RRM2: variants seen among roughly 807,000 people sequenced by gnomAD.
The protein encoded by RRM2 is ribonucleotide reductase regulatory subunit M2, also known as ribonucleoside-diphosphate reductase subunit M2.
A neutral mutation model predicts 45.9 loss-of-function variants in RRM2; 6 were observed. The observed-to-expected ratio is 0.13, with a 90% confidence interval of 0.07 to 0.26. RRM2 has a LOEUF of 0.26. Ranked by LOEUF, RRM2 falls within the 10% of genes least tolerant of loss-of-function variation. The pLI is 1.00. For missense variants in RRM2, 343 were observed against 489.5 expected (o/e 0.70, Z 2.82); for synonymous variants, 177 against 173.0 (o/e 1.02, Z -0.18).
At chr2:10,201,538 G>A (rs185514282) in intron 3 of RRM2, among the ~76,000 whole-genome samples, 4 of 152,282 alleles carry the variant, frequency 2.6e-5, no homozygotes, top group Non-Finnish European at 5.9e-5. Flanking sequence ...AATCTGCAAA[G>A]TTATCAGAAA....
chr2:10,138,968 C>T (rs934722692), upstream of RRM2, among the ~76,000 whole-genome samples: 6 of 152,194 alleles, frequency 3.9e-5, no homozygotes, highest in Admixed American at 6.5e-5. Flanking sequence ...ATTAGCCGGA[C>T]GTGGTGATGG....
intron 3 of RRM2, among the ~76,000 whole-genome samples, chr2:10,153,088 T>A (rs1050699884): frequency 1.3e-5 from 2 of 152,016 alleles, no homozygotes; most frequent in Non-Finnish European, 2.9e-5. Context: ...TCCCAGCACT[T>A]TGGGAGGCCA....
Position 10,127,236 on chromosome 2 carries a change from A to G in RRM2, c.798+16A>G. 2 of 1,608,748 alleles carry G rather than the reference A, an allele frequency of 1.2e-6. No homozygotes were observed. Among genetic ancestry groups the G allele is most frequent in the Non-Finnish European group, 1.7e-6 (2 of 1,177,828 alleles). ...CAGAGATGAGGTGAGTCTAAGTCAAATAATAGGGTGACCTAAACCCCAAAC... is the reference window on the plus strand; with the variant it reads ...CAGAGATGAGGTGAGTCTAAGTCAAGTAATAGGGTGACCTAAACCCCAAAC... On this transcript the variant is annotated intron_variant, in intron 7 of 9. Transcript: ENST00000304567. This position sits in a 1 kb window ranked among gnomAD's most constrained non-coding sequence, Gnocchi z 4.1.
At chr2:10,122,735 G>T (rs374107868), upstream of RRM2, 1 of 1,552,570 alleles carries the variant, frequency 6.4e-7, no homozygotes, top group South Asian at 1.2e-5. Context: ...GTGAGGGGTC[G>T]CCCGTGCACC....
At chr2:10,153,028 T>C (rs945730496) in intron 3 of RRM2, among the ~76,000 whole-genome samples, 1 of 152,038 alleles carries the variant, frequency 6.6e-6, no homozygotes, top group African/African-American at 2.4e-5. Flanking sequence ...AACCTAGGTG[T>C]TGATGAATGA....
chr2:10,161,942 C>G (rs1042561687), intron 3 of RRM2, among the ~76,000 whole-genome samples: 1 of 152,206 alleles, frequency 6.6e-6, no homozygotes, highest in Non-Finnish European at 1.5e-5. Flanking sequence ...GTTGTCCAGG[C>G]AGAAAACCGG....
intron 3 of RRM2, among the ~76,000 whole-genome samples, chr2:10,206,245 CAAA>C (rs200752840): frequency 2.9e-5 from 3 of 103,004 alleles, no homozygotes; most frequent in African/African-American, 8.4e-5. Flanking sequence ...GACTCCGTCT[CAAA>C]AAAAAAAAAA....
rs751101002 is a variant in RRM2, at chr2:10,122,880, G to A, written c.82G>A (p.Val28Ile). Residue 28 changes from valine to isoleucine, a missense_variant, in exon 1 of 10, where the codon GTC (valine) becomes ATC (isoleucine). Around this residue, in one of 2 missense-constraint regions of RRM2, gnomAD observed 131 missense variants for 121.4 expected, o/e 1.08. Coordinates refer to ENST00000304567, the MANE Select transcript of RRM2 (RefSeq NM_001034.4). Reference protein sequence around the residue: ...QLSPLKGLSLVDKENTPPALS... With the variant: ...QLSPLKGLSLIDKENTPPALS... ...CTCGCCGCTGAAGGGGCTCAGCTTGGTCGACAAGGAGAACACGGTGAGCCC... is the reference window on the plus strand; with the variant it reads ...CTCGCCGCTGAAGGGGCTCAGCTTGATCGACAAGGAGAACACGGTGAGCCC... 7 of 1,596,084 alleles carry A rather than the reference G, an allele frequency of 4.4e-6. No individual in the cohort carries two copies. In the African/African-American group the frequency reaches 9.4e-5, roughly 21 times the overall value.
intron 3 of RRM2, among the ~76,000 whole-genome samples, chr2:10,181,306 C>A (rs1460175715): frequency 2.1e-5 from 3 of 141,050 alleles, no homozygotes; most frequent in Non-Finnish European, 4.6e-5. Flanking sequence ...AATTTGCCTG[C>A]AGGATGGTAG....
At chr2:10,137,961 A>G (rs1375134018), upstream of RRM2, among the ~76,000 whole-genome samples, 1 of 152,142 alleles carries the variant, frequency 6.6e-6, no homozygotes, top group Non-Finnish European at 1.5e-5. Context: ...CTGTTAGTGC[A>G]GGGGCCGCTG....
intron 3 of RRM2, chr2:10,155,212 GT>G: frequency 3.7e-6 from 1 of 272,446 alleles, no homozygotes; most frequent in Non-Finnish European, 7.3e-6. Context: ...GCCTAATGGG[GT>G]TTCTTTAATT....
rs145889988 is a variant in RRM2 at position 10,161,788 on chromosome 2, G to C, written n.482+19413G>C. On this transcript the variant is annotated intron_variant and non_coding_transcript_variant, in intron 3 of 3. Coordinates refer to the RRM2 transcript ENST00000381786. ...GAAGAACAACGGGCATTCCTGTCAT[G>C]TTTTTCATGGGAAGCTGATTCAGAG... Among the ~76,000 whole-genome samples the C allele has an allele frequency of 3.7e-3, 566 of 152,288 alleles. 4 individuals carry two copies. The highest frequency in any genetic ancestry group is 0.012 in the African/African-American group (501 of 41,548).
chr2:10,122,768 G>C lies in RRM2; in HGVS notation c.-31G>C. ...ACCCTGTCCCAGCCGTCCTGTCCTG[G>C]CTGCTCGCTCTGCTTCGCTGCGCCT... On this transcript the variant is annotated 5_prime_UTR_variant, in exon 1 of 10. Coordinates refer to ENST00000304567, the MANE Select transcript of RRM2 (RefSeq NM_001034.4). 6.4e-7 allele frequency: 1 copy of C among 1,564,628 alleles called. No individual in the cohort carries two copies. Among genetic ancestry groups the C allele is most frequent in the East Asian group, 2.4e-5 (1 of 42,410 alleles).
chr2:10,132,662 G>A (rs544114842), downstream of RRM2, among the ~76,000 whole-genome samples: 141 of 152,300 alleles, frequency 9.3e-4, no homozygotes, highest in African/African-American at 3.2e-3. Context: ...TGGTATCTTG[G>A]GTAAAAGTGT....
chr2:10,178,561 A>G (rs996164720), intron 3 of RRM2, among the ~76,000 whole-genome samples: 3 of 152,044 alleles, frequency 2.0e-5, no homozygotes, highest in Non-Finnish European at 4.4e-5. Context: ...ATCTACCCCC[A>G]GCCTCTGGCA....
At position 10,199,800 on chromosome 2, in the gene RRM2, A is replaced by AAAAAAAAAAAAAAC. The variant is rs1572534126; in HGVS notation, n.483-10502_483-10501insAAAACAAAAAAAAA. On this transcript the variant is annotated intron_variant and non_coding_transcript_variant, in intron 3 of 3. Transcript: ENST00000381786. ...GTCTCAAAAAAAAAAAAAAAAAAAA[A>AAAAAAAAAAAAAAC]AAAAAAAAACAAATCATGGTATGAC... Among the ~76,000 whole-genome samples, 219 of 97,882 alleles carry AAAAAAAAAAAAAAC rather than the reference A, an allele frequency of 2.2e-3. 35 individuals carry two copies. Among genetic ancestry groups the AAAAAAAAAAAAAAC allele is most frequent in the African/African-American group, 7.5e-3 (185 of 24,822 alleles). The allele number at this position is 97,882 out of a possible 152,430, so 64.2% of individuals were successfully genotyped here. A position where few individuals can be genotyped will look rare whatever the true frequency, so the allele number is the denominator to read the frequency against.
At chr2:10,175,312 G>A (rs1017106451) in intron 3 of RRM2, among the ~76,000 whole-genome samples, 1 of 152,190 alleles carries the variant, frequency 6.6e-6, no homozygotes, top group East Asian at 1.9e-4. Context: ...TCATATAAAC[G>A]AACCATGTTG....
chr2:10,124,007 TG>T (rs1662727991), intron 4 of RRM2, 155 bp downstream of exon 4: 1 of 659,868 alleles, frequency 1.5e-6, no homozygotes, highest in South Asian at 1.8e-5. Context: ...TGTAACACTT[TG>T]CAGTTCTTTC....
chr2:10,175,720 C>T (rs1558397665), intron 3 of RRM2, among the ~76,000 whole-genome samples: 1 of 152,166 alleles, frequency 6.6e-6, no homozygotes, highest in African/African-American at 2.4e-5. Flanking sequence ...CATCAGCCCT[C>T]TGAGTAGCTG....
Sources: allele counts gnomAD v4.1 joint callset (sites outside exome capture counted in the v4.1 genomes callset), GRCh38; gene constraint gnomAD v4.1.1; regional missense constraint gnomAD v4.1.1; non-coding constraint Gnocchi (gnomAD v3.1); transcripts MANE v1.5; gene names NCBI Gene and HGNC (gene_info 2026-07-23, HGNC 2026-07-21).